Variants in TPGS1 observed in about 807,000 individuals in gnomAD.
The protein encoded by TPGS1 is tubulin polyglutamylase complex subunit 1.
TPGS1 carries 18 observed loss-of-function variants against 11.9 expected under a neutral mutation model. The ratio of observed to expected loss-of-function variants is 1.51; its 90% CI spans 1.04 to 2.24. The LOEUF is 2.24. Ranked by LOEUF, TPGS1 falls within the 30% of genes most tolerant of loss-of-function variation. TPGS1 has a pLI of 0.00. For missense variants in TPGS1, 500 were observed against 443.0 expected, an observed-to-expected ratio of 1.13 and a Z score of -1.16; for synonymous variants, 247 against 218.2, an observed-to-expected ratio of 1.13 and a Z score of -1.16.
chr19:507,569 C>T lies in TPGS1; in HGVS notation c.63C>T (p.Gly21=), dbSNP rs1187361322. The change falls in exon 1 of 2, where the codon GGC becomes GGT. Residue 21 remains glycine, a synonymous_variant. Transcript: ENST00000359315. ...VPPPAGFTDS[G]RQSVSRAAGA... ...CGCCGGCCGGTTTCACGGACAGCGG[C>T]CGCCAGTCGGTATCCCGGGCGGCGG... The T allele has an allele frequency of 1.4e-6, 2 of 1,393,406 alleles. No individual in the cohort carries two copies. Among genetic ancestry groups the T allele is most frequent in the East Asian group, 2.9e-5 (1 of 33,998 alleles). The allele number at this position is 1,393,406 out of a possible 1,614,324, so 86.3% of individuals were successfully genotyped here. A position where few individuals can be genotyped will look rare whatever the true frequency, so the allele number is the denominator to read the frequency against.
chr19:519,488 C>G lies in TPGS1; in HGVS notation c.*65C>G, dbSNP rs927669569. On this transcript the variant is annotated 3_prime_UTR_variant, in exon 2 of 2. Transcript: ENST00000359315. The stretch of plus-strand genomic sequence containing the variant: ...GTCCCCGCGTGCGGGGCGCGCGGAG[C>G]CTTCCCTTCGCCCTGGTGAGGCCCT... 1.9e-4 allele frequency: 215 copies of G among 1,160,350 alleles called. No individual in the cohort carries two copies. Among genetic ancestry groups the G allele is most frequent in the Non-Finnish European group, 2.2e-4 (207 of 938,752 alleles). 71.9% of individuals were successfully genotyped at this position (1,160,350 alleles called of 1,614,324 possible). A position where few individuals can be genotyped will look rare whatever the true frequency, so the allele number is the denominator to read the frequency against.
At chr19:510,196 A>AC (rs1400144120) in intron 1 of TPGS1, 1 of 151,924 alleles carries the variant, frequency 6.6e-6, no homozygotes, top group Non-Finnish European at 1.5e-5. Flanking sequence ...ACACGGTGAA[A>AC]CCCCGTCTCT....
Position 519,127 on chromosome 19 carries a change from G to A in TPGS1, c.577G>A (p.Glu193Lys). The change falls in exon 2 of 2, where the codon GAG (glutamate) becomes AAG (lysine). Residue 193 changes from glutamate to lysine, a missense_variant. Physicochemically the swap from Glu to Lys is moderately conservative, Grantham distance 56. Coordinates refer to ENST00000359315, the MANE Select transcript of TPGS1 (RefSeq NM_033513.3). ...AGTLTCFVLLEFVARAGALFQ... is the reference protein window; with the variant it reads ...AGTLTCFVLLKFVARAGALFQ... ...CACACTCACCTGCTTCGTGCTGCTGGAGTTCGTGGCGCGCGCCGGCGCGCT... is the reference window on the plus strand; with the variant it reads ...CACACTCACCTGCTTCGTGCTGCTGAAGTTCGTGGCGCGCGCCGGCGCGCT... 2 of 1,523,130 alleles carry A rather than the reference G, an allele frequency of 1.3e-6. No individual in the cohort carries two copies. Among genetic ancestry groups the A allele is most frequent in the Non-Finnish European group, 1.8e-6 (2 of 1,142,482 alleles). 94.4% of individuals were successfully genotyped at this position (1,523,130 alleles called of 1,614,324 possible).
At chr19:511,838 C>G (rs977033849) in intron 1 of TPGS1, among the ~76,000 whole-genome samples, 7 of 152,212 alleles carry the variant, frequency 4.6e-5, no homozygotes, top group African/African-American at 1.7e-4. Context: ...AAGCAAAACT[C>G]TTCTCGCTTA....
chr19:518,788 G>T, intron 1 of TPGS1, 101 bp from the exon 2 acceptor site: 1 of 1,286,636 alleles, frequency 7.8e-7, no homozygotes. Flanking sequence ...AGGGCTGGCT[G>T]GGGGGTCGGG....
In TPGS1 at chr19:507,642, G is replaced by C. The variant is rs11881120; in HGVS notation, c.136G>C (p.Glu46Gln). The C allele has an allele frequency of 1.4e-6, 2 of 1,392,890 alleles. No homozygotes were observed. The highest frequency in any genetic ancestry group is 1.5e-5 in the African/African-American group (1 of 66,774). 86.3% of individuals were successfully genotyped at this position (1,392,890 alleles called of 1,614,324 possible). A position where few individuals can be genotyped will look rare whatever the true frequency, so the allele number is the denominator to read the frequency against. Residue 46 changes from glutamate (E) to glutamine (Q), a missense_variant, in exon 1 of 2, where the codon GAA (glutamate) becomes CAA (glutamine). Coordinates refer to ENST00000359315, the MANE Select transcript of TPGS1 (RefSeq NM_033513.3). The part of the protein sequence containing the change: ...EDFLRQVGVT[E>Q]MLRAALLKVL... ...CTTCCTGCGGCAGGTCGGCGTGACG[G>C]AAATGCTACGTGCGGCCCTGCTGAA...
At chr19:510,518 CCCTGGCA>C (rs1978763084) in intron 1 of TPGS1, 1 of 151,032 alleles carries the variant, frequency 6.6e-6, no homozygotes, top group Admixed American at 6.6e-5. Context: ...CCCAGATCCT[CCCTGGCA>C]CCTTCTTTTG....
At chr19:510,163 G>C (rs1206322676) in intron 1 of TPGS1, 1 of 152,144 alleles carries the variant, frequency 6.6e-6, no homozygotes, top group African/African-American at 2.4e-5. Context: ...CACAAGGTCA[G>C]GAGATCGAGA....
intron 1 of TPGS1, among the ~76,000 whole-genome samples, chr19:515,981 G>C (rs193278328): frequency 6.7e-6 from 1 of 149,140 alleles, no homozygotes. Context: ...GCAGTGAGCC[G>C]AGATCCCGCC....
rs760119578 is a variant in TPGS1 at position 518,878 on chromosome 19, C to A, written c.339-11C>A. 1.3e-6 allele frequency: 2 copies of A among 1,498,872 alleles called. No homozygotes were observed. Among genetic ancestry groups the A allele is most frequent in the Non-Finnish European group, 1.8e-6 (2 of 1,130,794 alleles). 92.8% of individuals were successfully genotyped at this position (1,498,872 alleles called of 1,614,324 possible). On this transcript the variant is annotated splice_polypyrimidine_tract_variant and intron_variant, in intron 1 of 1. Coordinates refer to ENST00000359315, the MANE Select transcript of TPGS1 (RefSeq NM_033513.3). ...GGTCTCTGCCGGCCCCCAACGTCCC[C>A]GTCTCCGCAGGGCCGCCTTCAACAA...
chr19:512,985 C>T (rs1600400650), intron 1 of TPGS1, among the ~76,000 whole-genome samples: 1 of 152,244 alleles, frequency 6.6e-6, no homozygotes, highest in South Asian at 2.1e-4. Context: ...GCGTCGAGCC[C>T]CGGGGGAGTG....
At chr19:507,937 G>C in intron 1 of TPGS1, 93 bp downstream of exon 1, 1 of 1,014,178 alleles carries the variant, frequency 9.9e-7, no homozygotes. Context: ...CGCCGGCGCA[G>C]GGGCCCGGGG....
intron 1 of TPGS1, among the ~76,000 whole-genome samples, 157 bp from the exon 2 acceptor site, chr19:518,729 TGAG>T (rs2145836051): frequency 2.3e-5 from 2 of 85,892 alleles, no homozygotes; most frequent in East Asian, 4.1e-4. Flanking sequence ...GGATAGAGGG[TGAG>T]GAGGAGGGGA....
At chr19:515,085 C>T (rs1441707080) in intron 1 of TPGS1, among the ~76,000 whole-genome samples, 1 of 152,224 alleles carries the variant, frequency 6.6e-6, no homozygotes, top group East Asian at 1.9e-4. Flanking sequence ...TCCTGACATT[C>T]AGCTCTACGG....
At chr19:511,786 A>C (rs1424295799) in intron 1 of TPGS1, among the ~76,000 whole-genome samples, 1 of 152,266 alleles carries the variant, frequency 6.6e-6, no homozygotes, top group East Asian at 1.9e-4. Flanking sequence ...AGCTGCGAGC[A>C]CGACAGGAAC....
chr19:515,451 G>A (rs1978922861), intron 1 of TPGS1, among the ~76,000 whole-genome samples: 1 of 151,626 alleles, frequency 6.6e-6, no homozygotes, highest in Admixed American at 6.6e-5. Flanking sequence ...TAAATGTTCA[G>A]CACAGACTGG....
At chr19:510,711 GC>G (rs1374506756) in intron 1 of TPGS1, among the ~76,000 whole-genome samples, 2 of 152,212 alleles carry the variant, frequency 1.3e-5, no homozygotes, top group Non-Finnish European at 2.9e-5. Flanking sequence ...CCAGAGTGCA[GC>G]CCCGGAGGCC....
chr19:510,648 T>C (rs1184347001), intron 1 of TPGS1, among the ~76,000 whole-genome samples: 3 of 152,138 alleles, frequency 2.0e-5, no homozygotes, highest in Non-Finnish European at 4.4e-5. Context: ...AGACGTTACA[T>C]GACTTGCTGA....
chr19:515,091 T>C (rs1978911475), intron 1 of TPGS1, among the ~76,000 whole-genome samples: 1 of 152,208 alleles, frequency 6.6e-6, no homozygotes, highest in Non-Finnish European at 1.5e-5. Context: ...CATTCAGCTC[T>C]ACGGTTCTGG....
Sources: allele counts gnomAD v4.1 joint callset (sites outside exome capture counted in the v4.1 genomes callset), GRCh38; gene constraint gnomAD v4.1.1; transcripts MANE v1.5; gene names NCBI Gene and HGNC (gene_info 2026-07-23, HGNC 2026-07-21).